Variants in CENPP observed in about 807,000 individuals in gnomAD.
CENPP encodes centromere protein P.
CENPP carries 24 observed loss-of-function variants against 35.6 expected under a neutral mutation model. That is an observed-to-expected ratio of 0.67 (90% CI 0.49 to 0.95). The LOEUF (loss-of-function observed/expected upper bound fraction) is 0.95, where lower values mean the gene tolerates loss of function less well. Among genes scored for constraint, CENPP ranks in the 40% least tolerant of loss-of-function variants. CENPP has a pLI of 0.00. For synonymous variants in CENPP, 120 were observed against 125.5 expected (o/e 0.96, Z 0.29); for missense variants, 332 against 345.3 (o/e 0.96, Z 0.31).
At chr9:92,389,994 A>T (rs143663646) in intron 5 of CENPP, 1 of 1,610,270 alleles carries the variant, frequency 6.2e-7, no homozygotes, top group Admixed American at 1.7e-5. Flanking sequence ...GAAAGTTTTG[A>T]AAAAGTACCA....
chr9:92,338,039 T>G (rs1281230121), intron 3 of CENPP, among the ~76,000 whole-genome samples: 2 of 152,130 alleles, frequency 1.3e-5, no homozygotes, highest in Non-Finnish European at 2.9e-5. Context: ...AGGCCAAACA[T>G]GGTGGCTCAC....
chr9:92,573,512 T>C (rs1403042522), intron 5 of CENPP, among the ~76,000 whole-genome samples: 2 of 152,186 alleles, frequency 1.3e-5, no homozygotes, highest in African/African-American at 2.4e-5. Flanking sequence ...CGGCCCCTAC[T>C]TGGAGGTGTC....
At chr9:92,344,268 A>G (rs981213281) in intron 3 of CENPP, among the ~76,000 whole-genome samples, 1 of 152,218 alleles carries the variant, frequency 6.6e-6, no homozygotes, top group Admixed American at 6.5e-5. Context: ...AGGATTCTAT[A>G]ACCCAACAAA....
At chr9:92,612,944 CCA>C in intron 7 of CENPP, 73 bp from the exon 8 acceptor site, 1 of 1,571,942 alleles carries the variant, frequency 6.4e-7, no homozygotes. Context: ...TTGGTGAGGT[CCA>C]TGCCAGCAGA....
intron 5 of CENPP, among the ~76,000 whole-genome samples, chr9:92,547,169 G>A (rs1849484128): frequency 6.6e-6 from 1 of 152,098 alleles, no homozygotes; most frequent in African/African-American, 2.4e-5. Context: ...AAAAATTTTT[G>A]ATAAAATTCA....
At chr9:92,579,351 G>C (rs879473424) in intron 5 of CENPP, among the ~76,000 whole-genome samples, 1 of 148,050 alleles carries the variant, frequency 6.8e-6, no homozygotes, top group African/African-American at 2.5e-5. Context: ...GTCATTGGTA[G>C]CTTGATGGGG....
chr9:92,549,815 T>C (rs1437871421), intron 5 of CENPP, among the ~76,000 whole-genome samples: 1 of 152,178 alleles, frequency 6.6e-6, no homozygotes, highest in Non-Finnish European at 1.5e-5. Context: ...TAGATGTACG[T>C]TCTGTCTCTG....
intron 5 of CENPP, among the ~76,000 whole-genome samples, chr9:92,563,508 C>T (rs1849895041): frequency 6.6e-6 from 1 of 152,158 alleles, no homozygotes; most frequent in Non-Finnish European, 1.5e-5. Context: ...ATTACTGTCT[C>T]TGTGTAAAAC....
intron 5 of CENPP, among the ~76,000 whole-genome samples, chr9:92,410,092 G>A (rs1054697495): frequency 2.0e-5 from 3 of 151,838 alleles, no homozygotes; most frequent in Admixed American, 6.6e-5. Context: ...GCGTACCACC[G>A]CGCCTGGCTA....
chr9:92,578,338 T>C (rs564063256), intron 5 of CENPP, among the ~76,000 whole-genome samples: 5 of 152,302 alleles, frequency 3.3e-5, no homozygotes, highest in African/African-American at 1.2e-4. Context: ...CTGGGTCTAA[T>C]GGTATTTCTA....
intron 5 of CENPP, among the ~76,000 whole-genome samples, chr9:92,405,858 TAA>T (rs1444679650): frequency 1.3e-5 from 2 of 152,222 alleles, no homozygotes; most frequent in Non-Finnish European, 2.9e-5. Context: ...ACTCATTTAA[TAA>T]AAGTTTATTG....
At chr9:92,500,812 C>T in intron 5 of CENPP, 1 of 1,614,114 alleles carries the variant, frequency 6.2e-7, no homozygotes, top group South Asian at 1.1e-5. Flanking sequence ...TCATTGTGAT[C>T]CAGAAATAAT....
intron 5 of CENPP, among the ~76,000 whole-genome samples, chr9:92,486,218 A>G (rs1233701782): frequency 6.6e-6 from 1 of 152,206 alleles, no homozygotes; most frequent in Non-Finnish European, 1.5e-5. Context: ...ACTGAATTCT[A>G]GGATGTAAAT....
At chr9:92,365,074 G>C (rs978013011) in intron 4 of CENPP, among the ~76,000 whole-genome samples, 4 of 152,160 alleles carry the variant, frequency 2.6e-5, no homozygotes, top group Non-Finnish European at 5.9e-5. Flanking sequence ...TGCTTAATAT[G>C]TAGCAGTGAA....
At chr9:92,604,050 A>T (rs1851003237) in intron 5 of CENPP, among the ~76,000 whole-genome samples, 1 of 152,178 alleles carries the variant, frequency 6.6e-6, no homozygotes, top group Admixed American at 6.5e-5. Flanking sequence ...TTTTGTATGG[A>T]CATGTTTTCC....
At chr9:92,371,657 T>G (rs1842006936) in intron 4 of CENPP, among the ~76,000 whole-genome samples, 1 of 152,130 alleles carries the variant, frequency 6.6e-6, no homozygotes, top group African/African-American at 2.4e-5. Context: ...AATCCAATGT[T>G]TTTTGTTTGT....
At position 92,618,566 on chromosome 9, in the gene CENPP, T is replaced by G. The variant is rs758775107; in HGVS notation, c.*5417T>G. ...AACAGTGGTATCTTCGTGGGTTTTC[T>G]CTCATCGAACACCACCAGCTTAATC... On this transcript the variant is annotated 3_prime_UTR_variant, in exon 8 of 8. Coordinates refer to ENST00000375587, the MANE Select transcript of CENPP (RefSeq NM_001012267.3). 1 of 456,704 alleles carries G rather than the reference T, an allele frequency of 2.2e-6. No homozygotes were observed. The highest frequency in any genetic ancestry group is 4.4e-6 in the Non-Finnish European group (1 of 226,980). The allele number at this position is 456,704 out of a possible 1,614,324, so 28.3% of individuals were successfully genotyped here. A position where few individuals can be genotyped will look rare whatever the true frequency, so the allele number is the denominator to read the frequency against.
intron 7 of CENPP, 92 bp from the exon 8 acceptor site, chr9:92,612,927 C>G: frequency 6.9e-7 from 1 of 1,456,352 alleles, no homozygotes; most frequent in African/African-American, 1.4e-5. Flanking sequence ...GGGAGGAGTG[C>G]GGGGTCTTGG....
chr9:92,449,665 C>T (rs553650240), intron 5 of CENPP, among the ~76,000 whole-genome samples: 1 of 152,070 alleles, frequency 6.6e-6, no homozygotes, highest in East Asian at 1.9e-4. Context: ...GTGATTGGAT[C>T]ATGGGGGCGG....
Sources: allele counts gnomAD v4.1 joint callset (sites outside exome capture counted in the v4.1 genomes callset), GRCh38; gene constraint gnomAD v4.1.1; transcripts MANE v1.5; gene names NCBI Gene and HGNC (gene_info 2026-07-23, HGNC 2026-07-21).